The following GPM6A variants were observed in gnomAD, a reference collection of about 807,000 sequenced individuals.
The protein encoded by GPM6A is neuronal membrane glycoprotein M6-a.
Under a neutral mutation model 32.1 loss-of-function variants are expected in GPM6A, and 7 were observed. The ratio of observed to expected loss-of-function variants is 0.22; its 90% CI spans 0.12 to 0.41. The LOEUF (loss-of-function observed/expected upper bound fraction) is 0.41, where lower values mean the gene tolerates loss of function less well. Ranked by LOEUF, GPM6A falls within the 10% of genes least tolerant of loss-of-function variation. GPM6A has a pLI of 1.00. For synonymous variants in GPM6A, 130 were observed against 123.4 expected (o/e 1.05, Z -0.35); for missense variants, 235 against 347.2 (o/e 0.68, Z 2.57).
chr4:175,881,386 C>A (rs13118338), intron 1 of GPM6A, among the ~76,000 whole-genome samples: 85,479 of 152,000 alleles, frequency 0.56, 24,388 homozygotes, highest in East Asian at 0.69. Flanking sequence ...ACACTTTTAC[C>A]CTGTTGGTGG....
chr4:175,855,239 C>G (rs1736381947), intron 1 of GPM6A, among the ~76,000 whole-genome samples: 1 of 152,010 alleles, frequency 6.6e-6, no homozygotes, highest in Non-Finnish European at 1.5e-5. Context: ...CAAACAGAAC[C>G]AGATCTCAAC....
At chr4:175,968,607 A>C (rs1740402212) in intron 1 of GPM6A, among the ~76,000 whole-genome samples, 1 of 152,214 alleles carries the variant, frequency 6.6e-6, no homozygotes, top group Admixed American at 6.5e-5. Context: ...CCAATTAAAA[A>C]ACGGACAATA....
intron 1 of GPM6A, among the ~76,000 whole-genome samples, chr4:175,796,539 T>A (rs1734236108): frequency 6.6e-6 from 1 of 152,168 alleles, no homozygotes; most frequent in African/African-American, 2.4e-5. Flanking sequence ...AGAATATACA[T>A]TTATGTTTGA....
At chr4:175,956,220 A>G (rs1440801245) in intron 1 of GPM6A, among the ~76,000 whole-genome samples, 1 of 152,174 alleles carries the variant, frequency 6.6e-6, no homozygotes, top group Non-Finnish European at 1.5e-5. Context: ...ATATACCAGA[A>G]AGACACATGT....
intron 1 of GPM6A, among the ~76,000 whole-genome samples, chr4:175,734,253 G>C (rs1251496897): frequency 2.6e-5 from 4 of 151,658 alleles, no homozygotes; most frequent in Non-Finnish European, 5.9e-5. Context: ...ACCAGGTTCT[G>C]TTCCCTTGTC....
chr4:175,834,112 C>CT (rs2111372633), intron 1 of GPM6A, among the ~76,000 whole-genome samples: 1 of 152,110 alleles, frequency 6.6e-6, no homozygotes, highest in South Asian at 2.1e-4. Flanking sequence ...GAGGCCGTGA[C>CT]TACCCAACCG....
At chr4:175,905,166 G>A (rs1738091352) in intron 1 of GPM6A, among the ~76,000 whole-genome samples, 2 of 152,114 alleles carry the variant, frequency 1.3e-5, no homozygotes, top group Non-Finnish European at 1.5e-5. Flanking sequence ...GTGGTTAATT[G>A]TGGGAAGGTA....
chr4:175,638,264 G>T (rs1457008849), intron 6 of GPM6A, among the ~76,000 whole-genome samples: 2 of 151,632 alleles, frequency 1.3e-5, no homozygotes, highest in Non-Finnish European at 2.9e-5. Context: ...GGTACTAGCA[G>T]CATTAGTACC....
upstream of GPM6A, among the ~76,000 whole-genome samples, chr4:175,813,617 T>C (rs1735012254): frequency 6.6e-6 from 1 of 151,862 alleles, no homozygotes; most frequent in Non-Finnish European, 1.5e-5. Context: ...GACATAACTG[T>C]AACTCTCTGC....
At chr4:175,743,555 A>C (rs1731975969) in intron 1 of GPM6A, among the ~76,000 whole-genome samples, 1 of 152,074 alleles carries the variant, frequency 6.6e-6, no homozygotes, top group African/African-American at 2.4e-5. Flanking sequence ...TAATTAAACT[A>C]AATATAAATG....
At chr4:175,922,552 A>G (rs1173308976) in intron 1 of GPM6A, among the ~76,000 whole-genome samples, 2 of 152,180 alleles carry the variant, frequency 1.3e-5, no homozygotes, top group Non-Finnish European at 2.9e-5. Context: ...TCTGAAACTC[A>G]CACCAAAAAG....
intron 1 of GPM6A, among the ~76,000 whole-genome samples, chr4:175,794,808 G>T (rs1734153624): frequency 6.7e-6 from 1 of 149,704 alleles, no homozygotes; most frequent in Admixed American, 6.8e-5. Context: ...GATAAGATTG[G>T]GTAGTAGGCC....
intron 1 of GPM6A, among the ~76,000 whole-genome samples, chr4:175,832,086 TCAGAGCCCC>T (rs1026361907): frequency 6.6e-6 from 1 of 151,550 alleles, no homozygotes; most frequent in Non-Finnish European, 1.5e-5. Flanking sequence ...CTTATCTAGA[TCAGAGCCCC>T]CTTGATCTTT....
chr4:175,831,258 C>A (rs908382100), intron 1 of GPM6A, among the ~76,000 whole-genome samples: 2 of 152,060 alleles, frequency 1.3e-5, no homozygotes, highest in African/African-American at 4.8e-5. Context: ...ATACTTTAGC[C>A]TGAAGACACC....
At chr4:175,699,507 GC>G (rs1744754494) in intron 2 of GPM6A, among the ~76,000 whole-genome samples, 1 of 152,072 alleles carries the variant, frequency 6.6e-6, no homozygotes, top group Admixed American at 6.6e-5. Context: ...CTTTCAATTT[GC>G]TGTTAATTCT....
Position 175,670,861 on chromosome 4 carries a change from ATT to A in GPM6A, c.387+2817_387+2818del, listed in dbSNP as rs33998725. 1.2e-3 allele frequency among the ~76,000 whole-genome samples: 154 copies of A among 124,138 alleles called. 1 individual carries two copies. Among genetic ancestry groups the A allele is most frequent in the Middle Eastern group, 8.6e-3 (2 of 232 alleles). The allele number at this position is 124,138 out of a possible 152,430, so 81.4% of individuals were successfully genotyped here. ...CCATTCAGTGATACAATGTTGCTTC[ATT>A]TTTTTTTTTTTTTTTTTTGAGACAA... On this transcript the variant is annotated intron_variant, in intron 3 of 6. Coordinates refer to ENST00000393658, the MANE Select transcript of GPM6A (RefSeq NM_201591.3).
At chr4:175,949,324 T>C (rs1235987510) in intron 1 of GPM6A, among the ~76,000 whole-genome samples, 2 of 152,126 alleles carry the variant, frequency 1.3e-5, no homozygotes, top group African/African-American at 4.8e-5. Flanking sequence ...TTTTTGGTGG[T>C]GGTGGTAGAG....
intron 2 of GPM6A, 151 bp downstream of exon 2, chr4:175,701,424 G>A (rs1744873730): frequency 4.8e-6 from 3 of 629,694 alleles, no homozygotes; most frequent in Middle Eastern, 4.4e-4. Context: ...AGGCAATCAT[G>A]AATCATGATT....
chr4:175,891,866 T>C (rs577616734), intron 1 of GPM6A: 1 of 152,278 alleles, frequency 6.6e-6, no homozygotes, highest in East Asian at 1.9e-4. Context: ...TAGTACTAAA[T>C]AAAGAATAAA....
Sources: gnomAD v4.1 joint callset for allele counts (sites outside exome capture counted in the v4.1 genomes callset) on GRCh38, gnomAD v4.1.1 for gene constraint, MANE v1.5 for transcripts, NCBI Gene and HGNC (gene_info 2026-07-23, HGNC 2026-07-21) for gene names.